Variants in PCDH15 observed in about 807,000 individuals in gnomAD.
PCDH15 encodes protocadherin related 15.
A neutral mutation model predicts 178.5 loss-of-function variants in PCDH15; 129 were observed. The ratio of observed to expected loss-of-function variants is 0.72; its 90% confidence interval spans 0.63 to 0.84. The LOEUF (loss-of-function observed/expected upper bound fraction) is 0.84, where lower values mean the gene tolerates loss of function less well. Among genes scored for constraint, PCDH15 ranks in the 40% least tolerant of loss-of-function variants. PCDH15 has a pLI of 0.00. For missense variants in PCDH15, 2,230 were observed against 2,099.9 expected, an observed-to-expected ratio of 1.06 and a Z score of -1.21; for synonymous variants, 800 against 732.0, an observed-to-expected ratio of 1.09 and a Z score of -1.50.
chr10:55,404,109 T>C (rs1838139470), intron 2 of PCDH15, among the ~76,000 whole-genome samples: 1 of 151,986 alleles, frequency 6.6e-6, no homozygotes, highest in Non-Finnish European at 1.5e-5. Flanking sequence ...AAATGTATAG[T>C]TAGATTAATA....
chr10:53,802,783 A>G lies in PCDH15; in HGVS notation c.*3796T>C, dbSNP rs566451444. 8 of 152,054 alleles carry G rather than the reference A, an allele frequency of 5.3e-5. No homozygotes were observed. The East Asian group carries it at 1.5e-3, about 29-fold the overall frequency. 9.4% of individuals were successfully genotyped at this position (152,054 alleles called of 1,614,324 possible). A position where few individuals can be genotyped will look rare whatever the true frequency, so the allele number is the denominator to read the frequency against. On this transcript the variant is annotated 3_prime_UTR_variant, in exon 38 of 38. Coordinates refer to ENST00000644397, the MANE Select transcript of PCDH15 (RefSeq NM_001384140.1). ...ATGAGAAATCATCTTTTCAAATGAA[A>G]ATTTATTTTTGAAACATTGTGTAGT...
intron 3 of PCDH15, among the ~76,000 whole-genome samples, chr10:54,486,808 A>G (rs905651271): frequency 6.6e-6 from 1 of 152,024 alleles, no homozygotes; most frequent in African/African-American, 2.4e-5. Flanking sequence ...TTGGGGGAAC[A>G]GGGGCTTGCC....
chr10:54,806,108 G>C (rs2133722885), upstream of PCDH15, among the ~76,000 whole-genome samples: 1 of 152,160 alleles, frequency 6.6e-6, no homozygotes, highest in East Asian at 1.9e-4. Flanking sequence ...TTATTATTTA[G>C]AGCTATCTTA....
At chr10:54,740,907 G>A (rs1379164758) in intron 1 of PCDH15, among the ~76,000 whole-genome samples, 1 of 151,792 alleles carries the variant, frequency 6.6e-6, no homozygotes, top group Non-Finnish European at 1.5e-5. Context: ...ATTGGTTAAT[G>A]GATACAAAAA....
intron 3 of PCDH15, among the ~76,000 whole-genome samples, chr10:54,867,428 G>A (rs978413604): frequency 2.6e-5 from 4 of 151,888 alleles, no homozygotes; most frequent in African/African-American, 9.7e-5. Flanking sequence ...ACATTTTTCT[G>A]TTCTATATTT....
chr10:54,995,631 C>T (rs1289189313), intron 2 of PCDH15, among the ~76,000 whole-genome samples: 2 of 150,328 alleles, frequency 1.3e-5, no homozygotes, highest in Non-Finnish European at 3.0e-5. Context: ...ATTAACCCTC[C>T]CCCCCACGCC....
intron 3 of PCDH15, among the ~76,000 whole-genome samples, chr10:54,830,267 A>G (rs1355083082): frequency 1.3e-5 from 2 of 152,134 alleles, no homozygotes; most frequent in Non-Finnish European, 2.9e-5. Flanking sequence ...TCATGCTGCT[A>G]TAAAGACACA....
chr10:53,990,955 GC>G (rs1183879991), intron 21 of PCDH15, among the ~76,000 whole-genome samples: 5 of 152,128 alleles, frequency 3.3e-5, no homozygotes, highest in African/African-American at 1.2e-4. Flanking sequence ...TAGCACCCGG[GC>G]CGGCAGCTGC....
At chr10:55,141,085 G>C (rs547670200) in intron 2 of PCDH15, among the ~76,000 whole-genome samples, 1 of 152,006 alleles carries the variant, frequency 6.6e-6, no homozygotes, top group Non-Finnish European at 1.5e-5. Context: ...GAGTCTATAA[G>C]TTTGTCTTCT....
In PCDH15 at chr10:55,614,305, CAG is replaced by C. The variant is rs796217535; in HGVS notation, c.-156+13318_-156+13319del. 1.3e-4 allele frequency among the ~76,000 whole-genome samples: 20 copies of C among 152,152 alleles called. No homozygotes were observed. In the South Asian group the frequency reaches 2.3e-3, roughly 17 times the overall value. On this transcript the variant is annotated intron_variant, in intron 2 of 5. Coordinates refer to the PCDH15 transcript ENST00000613346. ...TACTCATCTCTAAAATAGAGGTAGA[CAG>C]AGAAAGTGCTGCTTTTTTAGAGATT... is the stretch of plus-strand genomic sequence containing the variant.
intron 2 of PCDH15, among the ~76,000 whole-genome samples, chr10:55,497,389 CAA>C (rs1188070243): frequency 9.9e-5 from 15 of 151,686 alleles, no homozygotes; most frequent in Non-Finnish European, 2.2e-4. Context: ...CTTGGCCTCA[CAA>C]AGTGTTAGGA....
At chr10:55,541,548 G>T (rs1841760049) in intron 2 of PCDH15, among the ~76,000 whole-genome samples, 1 of 151,698 alleles carries the variant, frequency 6.6e-6, no homozygotes, top group Non-Finnish European at 1.5e-5. Flanking sequence ...CTGTGCTTTA[G>T]ATTTTTATTT....
chr10:54,935,000 T>A (rs1198570126), intron 2 of PCDH15, among the ~76,000 whole-genome samples: 1 of 150,630 alleles, frequency 6.6e-6, no homozygotes, highest in African/African-American at 2.4e-5. Flanking sequence ...AAACACCGCA[T>A]GTTCTCACTC....
intron 9 of PCDH15, 94 bp downstream of exon 9, chr10:54,236,729 C>T (rs1425386188): frequency 9.6e-7 from 1 of 1,046,366 alleles, no homozygotes; most frequent in Non-Finnish European, 1.5e-6. Flanking sequence ...AAATAATAAA[C>T]TTTGTTATTT....
chr10:54,408,722 AT>A (rs1953036384), intron 3 of PCDH15, among the ~76,000 whole-genome samples: 1 of 152,166 alleles, frequency 6.6e-6, no homozygotes, highest in Admixed American at 6.5e-5. Context: ...TGACAAGATT[AT>A]TTTTTATATA....
chr10:53,971,653 CAGAG>C (rs563015941), intron 21 of PCDH15, among the ~76,000 whole-genome samples: 2,199 of 152,160 alleles, frequency 0.014, 50 homozygotes, highest in African/African-American at 0.048. Context: ...AACAGACAAA[CAGAG>C]AGCTAAATCA....
At chr10:53,913,153 C>A (rs969945693) in intron 25 of PCDH15, among the ~76,000 whole-genome samples, 1 of 152,142 alleles carries the variant, frequency 6.6e-6, no homozygotes, top group Non-Finnish European at 1.5e-5. Flanking sequence ...CTACAACCAT[C>A]TTATCTTTGA....
chr10:54,676,742 A>T (rs2094797187), intron 1 of PCDH15, among the ~76,000 whole-genome samples: 1 of 152,190 alleles, frequency 6.6e-6, no homozygotes, highest in South Asian at 2.1e-4. Flanking sequence ...AAAGTCTACT[A>T]TCTTACGATT....
chr10:55,322,805 G>GGA (rs36069202), upstream of PCDH15, among the ~76,000 whole-genome samples: 1 of 99,938 alleles, frequency 1.0e-5, no homozygotes, highest in South Asian at 3.6e-4. Flanking sequence ...AAAAAAAAAT[G>GGA]GGGGGGGAGA....
Sources: gnomAD v4.1 joint callset for allele counts (sites outside exome capture counted in the v4.1 genomes callset) on GRCh38, gnomAD v4.1.1 for gene constraint, MANE v1.5 for transcripts, NCBI Gene and HGNC (gene_info 2026-07-23, HGNC 2026-07-21) for gene names.